ULK4: variants seen among roughly 807,000 people sequenced by gnomAD.
ULK4 encodes the protein inactive serine/threonine-protein kinase ULK4.
Under a neutral mutation model 160.6 loss-of-function variants are expected in ULK4, and 133 were observed. The ratio of observed to expected loss-of-function variants is 0.83; its 90% CI spans 0.72 to 0.96. The LOEUF is 0.96. Among genes scored for constraint, ULK4 ranks in the 40% least tolerant of loss-of-function variants. The pLI is 0.00. For missense variants in ULK4, 1,580 were observed against 1,499.5 expected, an observed-to-expected ratio of 1.05 and a Z score of -0.89; for synonymous variants, 534 against 539.8, an observed-to-expected ratio of 0.99 and a Z score of 0.15.
At chr3:41,750,118 A>T (rs2038564792) in intron 22 of ULK4, among the ~76,000 whole-genome samples, 1 of 152,206 alleles carries the variant, frequency 6.6e-6, no homozygotes, top group African/African-American at 2.4e-5. Context: ...AGTATGTGAG[A>T]TGTGAGCAGA....
chr3:41,679,958 C>A lies in ULK4; in HGVS notation c.2978+1550G>T, dbSNP rs191782937. Among the ~76,000 whole-genome samples, 219 of 152,304 alleles carry A rather than the reference C, an allele frequency of 1.4e-3. 1 individual carries two copies. The highest frequency in any genetic ancestry group is 6.8e-3 in the Middle Eastern group (2 of 294). On this transcript the variant is annotated intron_variant, in intron 29 of 36. Coordinates refer to ENST00000301831, the MANE Select transcript of ULK4 (RefSeq NM_017886.4). ...CAAACCCCTGAGCTCAGACAATCTT[C>A]CAGTCTCATCTTCCCAAATACCTGG...
At chr3:41,465,348 C>A (rs1303592948) in intron 32 of ULK4, among the ~76,000 whole-genome samples, 2 of 152,060 alleles carry the variant, frequency 1.3e-5, no homozygotes, top group African/African-American at 4.8e-5. Flanking sequence ...AAGCAAATAC[C>A]AGAACACATC....
At chr3:41,921,777 G>GT (rs1403521458) in intron 5 of ULK4, among the ~76,000 whole-genome samples, 1 of 152,164 alleles carries the variant, frequency 6.6e-6, no homozygotes, top group Non-Finnish European at 1.5e-5. Context: ...TATTATGAAA[G>GT]TTTTAAAAGA....
intron 17 of ULK4, among the ~76,000 whole-genome samples, chr3:41,880,101 C>A (rs554214103): frequency 1.9e-4 from 29 of 152,256 alleles, no homozygotes; most frequent in Middle Eastern, 3.4e-3. Context: ...GCCTGGGCAA[C>A]AGAGTGAGAC....
chr3:41,572,761 A>C (rs2125614910), intron 31 of ULK4, among the ~76,000 whole-genome samples: 1 of 142,156 alleles, frequency 7.0e-6, no homozygotes, highest in South Asian at 2.2e-4. Context: ...GCAAGATTCC[A>C]TCTCAAAAAA....
At chr3:41,921,787 A>G (rs537930253) in intron 5 of ULK4, among the ~76,000 whole-genome samples, 1 of 152,352 alleles carries the variant, frequency 6.6e-6, no homozygotes, top group South Asian at 2.1e-4. Flanking sequence ...GTTTTAAAAG[A>G]AAACAACACT....
chr3:41,377,762 T>A lies in ULK4; in HGVS notation c.3678+20317A>T, dbSNP rs1318267613. On this transcript the variant is annotated intron_variant, in intron 35 of 36. Transcript: ENST00000301831. ...AGGATGTGGAGAAATAGGAACACTT[T>A]TACACTGTTGGTGGGACTGTAAACT... Among the ~76,000 whole-genome samples the A allele has an allele frequency of 1.3e-4, 19 of 148,248 alleles. 1 individual carries two copies. The highest frequency in any genetic ancestry group is 1.5e-5 in the Non-Finnish European group (1 of 67,590).
At chr3:41,857,377 C>T (rs1307015226) in intron 17 of ULK4, among the ~76,000 whole-genome samples, 1 of 152,168 alleles carries the variant, frequency 6.6e-6, no homozygotes, top group African/African-American at 2.4e-5. Context: ...CATCAATATT[C>T]ATCAGAGATA....
intron 32 of ULK4, among the ~76,000 whole-genome samples, chr3:41,537,488 G>A (rs1026851571): frequency 1.3e-5 from 2 of 152,056 alleles, no homozygotes; most frequent in East Asian, 3.9e-4. Context: ...CCTGTAATGA[G>A]TCCTAAAAAG....
intron 19 of ULK4, among the ~76,000 whole-genome samples, chr3:41,801,852 A>G (rs1039990282): frequency 2.0e-5 from 3 of 152,054 alleles, no homozygotes; most frequent in African/African-American, 4.8e-5. Context: ...CCCTGTCTCA[A>G]AAATAAAAAT....
chr3:41,848,161 T>C (rs1347890672), intron 17 of ULK4, among the ~76,000 whole-genome samples: 1 of 152,198 alleles, frequency 6.6e-6, no homozygotes, highest in African/African-American at 2.4e-5. Context: ...ATCTTGTCAC[T>C]TCCCTGTTAA....
intron 18 of ULK4, among the ~76,000 whole-genome samples, chr3:41,828,827 C>T (rs947890921): frequency 6.6e-6 from 1 of 152,010 alleles, no homozygotes; most frequent in Non-Finnish European, 1.5e-5. Flanking sequence ...AAAAAGAGCC[C>T]ACATTGCCAA....
intron 35 of ULK4, among the ~76,000 whole-genome samples, chr3:41,257,064 C>A (rs748405826): frequency 2.6e-5 from 4 of 152,092 alleles, no homozygotes; most frequent in Non-Finnish European, 5.9e-5. Flanking sequence ...AGAGAACGAC[C>A]AGCCTAGTTT....
At chr3:41,730,404 G>T (rs1377153191) in intron 22 of ULK4, among the ~76,000 whole-genome samples, 3 of 151,960 alleles carry the variant, frequency 2.0e-5, no homozygotes, top group African/African-American at 4.8e-5. Context: ...AAAAAGAGAA[G>T]ATTCAAATAA....
At chr3:41,469,624 A>G (rs1457388432) in intron 32 of ULK4, among the ~76,000 whole-genome samples, 1 of 148,888 alleles carries the variant, frequency 6.7e-6, no homozygotes, top group Admixed American at 6.7e-5. Flanking sequence ...AAAAAAAAAA[A>G]AAACACCTTA....
At chr3:41,582,134 T>C (rs2030401254) in intron 31 of ULK4, among the ~76,000 whole-genome samples, 1 of 152,204 alleles carries the variant, frequency 6.6e-6, no homozygotes, top group Non-Finnish European at 1.5e-5. Context: ...TTCCCCATAC[T>C]GTTCTCATAG....
intron 2 of ULK4, among the ~76,000 whole-genome samples, chr3:41,949,510 G>A (rs1700219998): frequency 6.9e-6 from 1 of 145,828 alleles, no homozygotes. Flanking sequence ...TCAGCTCACT[G>A]CAACCTCTGC....
chr3:41,505,566 A>G (rs1447751818), intron 32 of ULK4, among the ~76,000 whole-genome samples: 1 of 152,188 alleles, frequency 6.6e-6, no homozygotes, highest in Non-Finnish European at 1.5e-5. Context: ...GCTACTATAA[A>G]TTAAATCATC....
chr3:41,490,310 A>G (rs528781377), intron 32 of ULK4, among the ~76,000 whole-genome samples: 1 of 152,192 alleles, frequency 6.6e-6, no homozygotes, highest in Non-Finnish European at 1.5e-5. Context: ...GTCTGAGTTC[A>G]GCCCAGCATT....
Sources: allele counts gnomAD v4.1 joint callset (sites outside exome capture counted in the v4.1 genomes callset), GRCh38; gene constraint gnomAD v4.1.1; transcripts MANE v1.5; gene names NCBI Gene and HGNC (gene_info 2026-07-23, HGNC 2026-07-21).